TBATA: variants seen among roughly 807,000 people sequenced by gnomAD.
TBATA encodes the protein protein TBATA.
In TBATA, 47 loss-of-function variants were observed where a neutral mutation model predicts 38.7. The ratio of observed to expected loss-of-function variants is 1.21; its 90% CI spans 0.96 to 1.55. The LOEUF is 1.55. TBATA is among the 40% of genes most tolerant of loss of function. TBATA has a pLI of 0.00. For missense variants in TBATA, 436 were observed against 435.6 expected (o/e 1.00, Z -0.01); for synonymous variants, 183 against 170.5 (o/e 1.07, Z -0.57).
At chr10:70,783,560 T>C in intron 2 of TBATA, 35 bp from the exon 3 acceptor site, 1 of 641,928 alleles carries the variant, frequency 1.6e-6, no homozygotes, top group Non-Finnish European at 2.7e-6. Flanking sequence ...CTTTTAAAAT[T>C]GAGCATTTGC....
At position 70,772,582 on chromosome 10, in the gene TBATA, A is replaced by G; in HGVS notation, c.921-16T>C. The G allele has an allele frequency of 6.2e-7, 1 of 1,614,084 alleles. No homozygotes were observed. The highest frequency in any genetic ancestry group is 8.5e-7 in the Non-Finnish European group (1 of 1,179,964). On this transcript the variant is annotated splice_polypyrimidine_tract_variant and intron_variant, in intron 9 of 10. Transcript: ENST00000456372. ...CGGGGATTGACTGTGACCAAATACA[A>G]AGAAGGGGCTGGGAAGGTCATGCTG...
intron 7 of TBATA, among the ~76,000 whole-genome samples, chr10:70,776,905 G>A (rs574227319): frequency 5.9e-5 from 9 of 152,062 alleles, no homozygotes; most frequent in African/African-American, 2.2e-4. Flanking sequence ...AGGGACCCTC[G>A]ACAACAGTGC....
intron 7 of TBATA, chr10:70,776,514 C>G: frequency 2.4e-6 from 1 of 423,776 alleles, no homozygotes; most frequent in Non-Finnish European, 4.8e-6. Context: ...CCTGTCTGCT[C>G]TATCCACTTT....
At position 70,779,608 on chromosome 10, in the gene TBATA, G is replaced by T; in HGVS notation, c.412C>A (p.Pro138Thr). The change falls in exon 5 of 11, where the codon CCC becomes ACC. Residue 138 changes from proline to threonine, a missense_variant. Physicochemically the swap from Pro to Thr is conservative, Grantham distance 38 (BLOSUM62 -1). Transcript: ENST00000456372. Reference sequence around the variant, plus strand: ...AAGTACCCACCAGAAGAAAGCTGGGGGTTCCGATTAGACTGTGGGTCTCCA... The same window carrying T: ...AAGTACCCACCAGAAGAAAGCTGGGTGTTCCGATTAGACTGTGGGTCTCCA... ...PIGDPQSNRN[P>T]QLSSEAWKKE... 6.6e-7 allele frequency: 1 copy of T among 1,506,114 alleles called. No individual in the cohort carries two copies. Among genetic ancestry groups the T allele is most frequent in the South Asian group, 1.3e-5 (1 of 75,052 alleles). The allele number at this position is 1,506,114 out of a possible 1,614,324, so 93.3% of individuals were successfully genotyped here. A position where few individuals can be genotyped will look rare whatever the true frequency, so the allele number is the denominator to read the frequency against.
At chr10:70,779,519 A>G (rs1843865371) in intron 5 of TBATA, 74 bp downstream of exon 5, 3 of 1,410,024 alleles carry the variant, frequency 2.1e-6, no homozygotes, top group Non-Finnish European at 2.8e-6. Flanking sequence ...CCTTCTGGGC[A>G]CCCACCCAAG....
chr10:70,778,675 G>A, intron 5 of TBATA, 39 bp from the exon 6 acceptor site: 1 of 1,588,708 alleles, frequency 6.3e-7, no homozygotes, highest in Non-Finnish European at 8.6e-7. Context: ...CTGAAGTCAG[G>A]GGCCCTCCTC....
At position 70,783,474 on chromosome 10, in the gene TBATA, C is replaced by T. The variant is rs937674331; in HGVS notation, c.-95G>A. ...TCACTTAATACTAGTGTTGAGGATGCAGAACAGGAACTCTCACGAACTGGT... is the reference window on the plus strand; with the variant it reads ...TCACTTAATACTAGTGTTGAGGATGTAGAACAGGAACTCTCACGAACTGGT... On this transcript the variant is annotated 5_prime_UTR_variant, in exon 3 of 11. Coordinates refer to ENST00000456372, the MANE Select transcript of TBATA (RefSeq NM_001318241.2). The T allele has an allele frequency of 4.2e-6, 6 of 1,440,244 alleles. No individual in the cohort carries two copies. Among genetic ancestry groups the T allele is most frequent in the Non-Finnish European group, 5.8e-6 (6 of 1,029,746 alleles). 89.2% of individuals were successfully genotyped at this position (1,440,244 alleles called of 1,614,324 possible). A position where few individuals can be genotyped will look rare whatever the true frequency, so the allele number is the denominator to read the frequency against.
At chr10:70,774,851 T>TG (rs377462374) in intron 8 of TBATA, among the ~76,000 whole-genome samples, 5 of 152,084 alleles carry the variant, frequency 3.3e-5, no homozygotes, top group African/African-American at 1.2e-4. Context: ...TGTGTGTGTG[T>TG]GGGGGTCTCC....
At chr10:70,783,154 A>G (rs1043770229) in intron 3 of TBATA, among the ~76,000 whole-genome samples, 185 bp downstream of exon 3, 7 of 152,216 alleles carry the variant, frequency 4.6e-5, no homozygotes, top group African/African-American at 9.6e-5. Context: ...GGCAAAGCCC[A>G]CTACCTGGGC....
intron 4 of TBATA, among the ~76,000 whole-genome samples, chr10:70,780,634 T>C (rs1844088995): frequency 6.6e-6 from 1 of 152,026 alleles, no homozygotes; most frequent in Non-Finnish European, 1.5e-5. Context: ...TGCACCCCCG[T>C]ACCTCCACCT....
intron 3 of TBATA, 61 bp downstream of exon 3, chr10:70,783,278 C>T (rs1844484866): frequency 6.3e-7 from 1 of 1,599,880 alleles, no homozygotes; most frequent in Non-Finnish European, 8.6e-7. Context: ...CCACCTTTGT[C>T]TTCTACCCTG....
chr10:70,783,870 A>C (rs902657984), intron 2 of TBATA, among the ~76,000 whole-genome samples: 1 of 152,232 alleles, frequency 6.6e-6, no homozygotes, highest in Non-Finnish European at 1.5e-5. Context: ...TATTTATGCA[A>C]TCTTATTAAC....
intron 6 of TBATA, 158 bp downstream of exon 6, chr10:70,778,399 G>T: frequency 1.3e-6 from 1 of 769,544 alleles, no homozygotes; most frequent in Non-Finnish European, 2.3e-6. Context: ...CCACCTAGGT[G>T]TGCTCTCTCC....
intron 7 of TBATA, among the ~76,000 whole-genome samples, chr10:70,776,876 A>G (rs778173288): frequency 7.2e-5 from 11 of 152,152 alleles, no homozygotes; most frequent in Non-Finnish European, 1.3e-4. Context: ...TCACTAACTC[A>G]GCAAATGCTA....
At position 70,778,433 on chromosome 10, in the gene TBATA, GT is replaced by G. The variant is rs2132904887; in HGVS notation, c.507+123del. On this transcript the variant is annotated intron_variant, in intron 6 of 10. Transcript: ENST00000456372. Reference sequence around the variant, plus strand: ...CCCTCACTGTGACCTTTCCCCTGACGTTTGTATGAATCAGTCCCCCCACCCC... The same window carrying G: ...CCCTCACTGTGACCTTTCCCCTGACGTTGTATGAATCAGTCCCCCCACCCC... The G allele has an allele frequency of 2.9e-5, 27 of 946,592 alleles. No individual in the cohort carries two copies. The South Asian group carries it at 3.6e-4, about 13-fold the overall frequency. 58.6% of individuals were successfully genotyped at this position (946,592 alleles called of 1,614,324 possible). A position where few individuals can be genotyped will look rare whatever the true frequency, so the allele number is the denominator to read the frequency against.
intron 10 of TBATA, chr10:70,772,269 G>C (rs770655277): frequency 9.5e-5 from 65 of 685,362 alleles, no homozygotes; most frequent in Non-Finnish European, 1.5e-4. Flanking sequence ...CTCCTTGCTG[G>C]GATGTAAGTT....
intron 4 of TBATA, among the ~76,000 whole-genome samples, chr10:70,780,591 G>C (rs995383835): frequency 6.6e-6 from 1 of 151,924 alleles, no homozygotes; most frequent in African/African-American, 2.4e-5. Context: ...TGGCTCTCAC[G>C]TCTGTGTCTC....
chr10:70,775,202 G>C lies in TBATA; in HGVS notation c.762C>G (p.Tyr254Ter). The change falls in exon 8 of 11, where the codon TAC becomes TAG. Residue 254 changes from tyrosine (Y) to a stop codon, truncating the protein, a stop_gained. Transcript: ENST00000456372. LOFTEE classifies it high-confidence loss of function. ...LLSAIQFWLLYAPPKEKDLAL... is the reference protein window; with the variant it reads ...LLSAIQFWLL ...CTGTGTCCTCACCCTTGGGCGGAGC[G>C]TAGAGCAGCCAGAACTGGATTGCGC... 1.9e-6 allele frequency: 3 copies of C among 1,613,994 alleles called. No individual in the cohort carries two copies. Among genetic ancestry groups the C allele is most frequent in the Non-Finnish European group, 2.5e-6 (3 of 1,179,856 alleles).
At position 70,777,205 on chromosome 10, in the gene TBATA, G is replaced by T. The variant is rs777604455; in HGVS notation, c.641C>A (p.Ser214Tyr). The change falls in exon 7 of 11, where the codon TCC becomes TAC. Residue 214 changes from serine (S) to tyrosine (Y), a missense_variant. Coordinates refer to ENST00000456372, the MANE Select transcript of TBATA (RefSeq NM_001318241.2). Reference protein sequence around the residue: ...RSHQGQQSQSSSRHEGVQAFL... With the variant: ...RSHQGQQSQSYSRHEGVQAFL... The stretch of plus-strand genomic sequence containing the variant: ...AGCCTGGACTCCTTCATGTCTGCTG[G>T]AAGACTGACTCTGCTGGCCCTGGTG... The T allele has an allele frequency of 6.2e-7, 1 of 1,613,494 alleles. No individual in the cohort carries two copies. Among genetic ancestry groups the T allele is most frequent in the Non-Finnish European group, 8.5e-7 (1 of 1,179,934 alleles).
Sources: allele counts gnomAD v4.1 joint callset (sites outside exome capture counted in the v4.1 genomes callset), GRCh38; gene constraint gnomAD v4.1.1; transcripts MANE v1.5; gene names NCBI Gene and HGNC (gene_info 2026-07-23, HGNC 2026-07-21).